SLC13A2: variants seen among roughly 807,000 people sequenced by gnomAD.
SLC13A2 encodes the protein Na(+)-coupled citrate transporter.
SLC13A2 carries 40 observed loss-of-function variants against 58.5 expected under a neutral mutation model. The observed-to-expected ratio is 0.68, with a 90% CI of 0.53 to 0.89. SLC13A2 has a LOEUF of 0.89. SLC13A2 is among the 40% of genes least tolerant of loss of function. The pLI is 0.00. For synonymous variants in SLC13A2, 341 were observed against 331.6 expected (o/e 1.03, Z -0.31); for missense variants, 694 against 772.6 (o/e 0.90, Z 1.21).
intron 9 of SLC13A2, among the ~76,000 whole-genome samples, chr17:28,495,286 C>G (rs1315492679): frequency 6.6e-6 from 1 of 152,194 alleles, no homozygotes; most frequent in Admixed American, 6.5e-5. Flanking sequence ...TCCCTCTGCC[C>G]CAAGCCACTG....
rs1389560177 is a variant in SLC13A2, at chr17:28,497,388, G to A, written c.*119G>A. ...CCAGGCCAAAGGCTGAAAGGCACGT[G>A]TGTACATAATCTCTTGCGTGTCTGT... On this transcript the variant is annotated 3_prime_UTR_variant, in exon 12 of 12. Coordinates refer to ENST00000314669, the MANE Select transcript of SLC13A2 (RefSeq NM_003984.4). The A allele has an allele frequency of 3.5e-6, 4 of 1,129,654 alleles. No individual in the cohort carries two copies. Among genetic ancestry groups the A allele is most frequent in the Non-Finnish European group, 5.0e-6 (4 of 799,326 alleles). 70.0% of individuals were successfully genotyped at this position (1,129,654 alleles called of 1,614,324 possible). A position where few individuals can be genotyped will look rare whatever the true frequency, so the allele number is the denominator to read the frequency against.
intron 1 of SLC13A2, among the ~76,000 whole-genome samples, chr17:28,480,073 G>T (rs1555600776): frequency 6.6e-6 from 1 of 151,260 alleles, no homozygotes; most frequent in African/African-American, 2.4e-5. Flanking sequence ...AGATTCTCTT[G>T]AACCCAGGAG....
chr17:28,475,536 T>C (rs2068656354), intron 1 of SLC13A2, among the ~76,000 whole-genome samples: 1 of 152,232 alleles, frequency 6.6e-6, no homozygotes. Context: ...CCTTCCAGGA[T>C]AGTGCCTCTT....
At chr17:28,485,356 T>A (rs1234742981) in intron 1 of SLC13A2, among the ~76,000 whole-genome samples, 1 of 152,162 alleles carries the variant, frequency 6.6e-6, no homozygotes, top group African/African-American at 2.4e-5. Context: ...TCCAATGCCA[T>A]AGGCTGTCAG....
intron 11 of SLC13A2, 95 bp from the exon 12 acceptor site, chr17:28,497,004 T>C: frequency 7.6e-7 from 1 of 1,321,440 alleles, no homozygotes; most frequent in Non-Finnish European, 1.1e-6. Flanking sequence ...AGAATTTTGC[T>C]GGTAGGAGGG....
In SLC13A2 at chr17:28,494,139, C is replaced by A. The variant is rs1207500667; in HGVS notation, c.1186+34C>A. On this transcript the variant is annotated intron_variant, in intron 8 of 11. Coordinates refer to ENST00000314669, the MANE Select transcript of SLC13A2 (RefSeq NM_003984.4). This position sits in a 1 kb window ranked among gnomAD's most constrained non-coding sequence, Gnocchi z 4.0. ...CTGGACTGGGGCAGGGAAGGGTCTC[C>A]GGGCAGCCCCTGCCTTCAAGTATGT... The A allele has an allele frequency of 1.3e-6, 2 of 1,587,466 alleles. No individual in the cohort carries two copies. Among genetic ancestry groups the A allele is most frequent in the African/African-American group, 1.3e-5 (1 of 74,370 alleles).
Position 28,496,478 on chromosome 17 carries a change from A to G in SLC13A2, c.1499A>G (p.Tyr500Cys). ...CAGGCCATCTGCCTCCACCCTCTCT[A>G]CGTCATGCTCCCCTGCACTCTGGCC... Reference protein sequence around the residue: ...MAQAICLHPLYVMLPCTLATS... With the variant: ...MAQAICLHPLCVMLPCTLATS... Residue 500 changes from tyrosine to cysteine, a missense_variant, in exon 11 of 12, where the codon TAC (tyrosine) becomes TGC (cysteine). Tyr to Cys is a radical substitution (Grantham distance 194, BLOSUM62 -2). Transcript: ENST00000314669. The surrounding 1 kb of genome is among the most constrained non-coding windows in gnomAD (Gnocchi z 4.2). 1.9e-6 allele frequency: 3 copies of G among 1,609,712 alleles called. No homozygotes were observed. The highest frequency in any genetic ancestry group is 2.5e-6 in the Non-Finnish European group (3 of 1,177,402).
chr17:28,492,259 C>T (rs1425585939), intron 6 of SLC13A2, among the ~76,000 whole-genome samples: 1 of 152,218 alleles, frequency 6.6e-6, no homozygotes, highest in Non-Finnish European at 1.5e-5. Context: ...CTAGAAGGCA[C>T]TGGGCACAGT....
Position 28,494,065 on chromosome 17 carries a change from C to T in SLC13A2, c.1146C>T (p.Phe382=), listed in dbSNP as rs1555604154. Reference sequence around the variant, plus strand: ...CCATCTTCATCGGCATAATTATGTTCATCATACCCTCCAAGTTCCCAGGGC... The same window carrying T: ...CCATCTTCATCGGCATAATTATGTTTATCATACCCTCCAAGTTCCCAGGGC... ...TVAIFIGIIM[F]IIPSKFPGLT... The change falls in exon 8 of 12, where the codon TTC becomes TTT. Residue 382 remains phenylalanine (F), a synonymous_variant. Coordinates refer to ENST00000314669, the MANE Select transcript of SLC13A2 (RefSeq NM_003984.4). The surrounding 1 kb of genome is among the most constrained non-coding windows in gnomAD (Gnocchi z 4.0). The T allele has an allele frequency of 1.2e-6, 2 of 1,614,082 alleles. No individual in the cohort carries two copies. The highest frequency in any genetic ancestry group is 1.7e-6 in the Non-Finnish European group (2 of 1,180,012).
At chr17:28,491,347 C>T (rs1555603343) in intron 4 of SLC13A2, 90 bp from the exon 5 acceptor site, 2 of 1,437,818 alleles carry the variant, frequency 1.4e-6, no homozygotes, top group Non-Finnish European at 1.9e-6. Context: ...TGTTCACAGA[C>T]AAGGTACCCT....
chr17:28,479,880 C>T (rs1366643503), intron 1 of SLC13A2, among the ~76,000 whole-genome samples: 1 of 152,016 alleles, frequency 6.6e-6, no homozygotes, highest in African/African-American at 2.4e-5. Flanking sequence ...GTTGGCTGGG[C>T]GCAATGGCTC....
At chr17:28,475,640 T>C (rs1271962779) in intron 1 of SLC13A2, among the ~76,000 whole-genome samples, 5 of 152,158 alleles carry the variant, frequency 3.3e-5, no homozygotes, top group Non-Finnish European at 5.9e-5. Context: ...AAGACTCAGA[T>C]CCCATCAACT....
At position 28,495,655 on chromosome 17, in the gene SLC13A2, C is replaced by T. The variant is rs781935318; in HGVS notation, c.1309C>T (p.Arg437Ter). The change falls in exon 10 of 12, where the codon CGA (arginine) becomes TGA (stop). Residue 437 changes from arginine (R) to a stop codon, truncating the protein, a stop_gained and splice_region_variant. Coordinates refer to ENST00000314669, the MANE Select transcript of SLC13A2 (RefSeq NM_003984.4). LOFTEE classifies it high-confidence loss of function. ...ACATGCCATCCTCCTCTGCCCACAG[C>T]GATCGGGCCTGTCAGAGTGGCTGGG... ...GGYALAKGSERSGLSEWLGNK... is the reference protein window; with the variant it reads ...GGYALAKGSE 9.3e-6 allele frequency: 15 copies of T among 1,608,424 alleles called. No homozygotes were observed. The South Asian group carries it at 1.1e-4, about 12-fold the overall frequency.
chr17:28,490,907 G>A lies in SLC13A2; in HGVS notation c.574+1G>A. On this transcript the variant is annotated splice_donor_variant, in intron 4 of 11. Coordinates refer to ENST00000314669, the MANE Select transcript of SLC13A2 (RefSeq NM_003984.4). LOFTEE classifies it high-confidence loss of function. ...CCCCAGAAGGAGGTGACCAAGCTTGGTGAGAAAAATGAGGCTAGACTCTGC... is the reference window on the plus strand; with the variant it reads ...CCCCAGAAGGAGGTGACCAAGCTTGATGAGAAAAATGAGGCTAGACTCTGC... 1 of 1,611,986 alleles carries A rather than the reference G, an allele frequency of 6.2e-7. No individual in the cohort carries two copies. The highest frequency in any genetic ancestry group is 8.5e-7 in the Non-Finnish European group (1 of 1,179,044).
Position 28,497,328 on chromosome 17 carries a change from C to T in SLC13A2, c.*59C>T, listed in dbSNP as rs531123596. The stretch of plus-strand genomic sequence containing the variant: ...CCACCCCATTCCCACTCCTCTGAGC[C>T]CGGAGGGGACACCCCAAGCTCCAAG... On this transcript the variant is annotated 3_prime_UTR_variant, in exon 12 of 12. Coordinates refer to ENST00000314669, the MANE Select transcript of SLC13A2 (RefSeq NM_003984.4). The T allele has an allele frequency of 5.8e-6, 9 of 1,547,016 alleles. No individual in the cohort carries two copies. In the African/African-American group the frequency reaches 1.1e-4, roughly 19 times the overall value.
At position 28,494,139 on chromosome 17, in the gene SLC13A2, C is replaced by T. The variant is rs1207500667; in HGVS notation, c.1186+34C>T. ...CTGGACTGGGGCAGGGAAGGGTCTC[C>T]GGGCAGCCCCTGCCTTCAAGTATGT... On this transcript the variant is annotated intron_variant, in intron 8 of 11. Coordinates refer to ENST00000314669, the MANE Select transcript of SLC13A2 (RefSeq NM_003984.4). The surrounding 1 kb of genome is among the most constrained non-coding windows in gnomAD (Gnocchi z 4.0). The T allele has an allele frequency of 8.2e-6, 13 of 1,587,468 alleles. No individual in the cohort carries two copies. Among genetic ancestry groups the T allele is most frequent in the African/African-American group, 4.0e-5 (3 of 74,370 alleles).
chr17:28,497,520 G>A lies in SLC13A2; in HGVS notation c.*251G>A, dbSNP rs1217303601. On this transcript the variant is annotated 3_prime_UTR_variant, in exon 12 of 12. Transcript: ENST00000314669. ...CATGGATGTGAGGGGTGTGTGACGT[G>A]AGGCTATCTGAGGGGGGCTGTGTGC... is the stretch of plus-strand genomic sequence containing the variant. 3 of 526,034 alleles carry A rather than the reference G, an allele frequency of 5.7e-6. No individual in the cohort carries two copies. The highest frequency in any genetic ancestry group is 6.8e-6 in the Non-Finnish European group (2 of 294,550). The allele number at this position is 526,034 out of a possible 1,614,324, so 32.6% of individuals were successfully genotyped here. A position where few individuals can be genotyped will look rare whatever the true frequency, so the allele number is the denominator to read the frequency against.
Position 28,497,096 on chromosome 17 carries a change from C to G in SLC13A2, c.1609-3C>G. ...TTAGCCAAATGGACTCTCCTCACAC[C>G]AGGCCCGGGCAGGATTCCTCCTCAA... On this transcript the variant is annotated splice_polypyrimidine_tract_variant and splice_region_variant and intron_variant, in intron 11 of 11. Transcript: ENST00000314669. The G allele has an allele frequency of 6.2e-7, 1 of 1,613,494 alleles. No individual in the cohort carries two copies. Among genetic ancestry groups the G allele is most frequent in the Non-Finnish European group, 8.5e-7 (1 of 1,179,590 alleles).
chr17:28,477,816 G>GA, intron 1 of SLC13A2, among the ~76,000 whole-genome samples: 1 of 151,812 alleles, frequency 6.6e-6, no homozygotes, highest in African/African-American at 2.4e-5. Context: ...TTTGGGAGGC[G>GA]GGCGCCCAAG....
Sources: gnomAD v4.1 joint callset for allele counts (sites outside exome capture counted in the v4.1 genomes callset) on GRCh38, gnomAD v4.1.1 for gene constraint, Gnocchi (gnomAD v3.1) non-coding constraint, MANE v1.5 for transcripts, NCBI Gene and HGNC (gene_info 2026-07-23, HGNC 2026-07-21) for gene names.